PDPR: variants seen among roughly 807,000 people sequenced by gnomAD.
PDPR encodes pyruvate dehydrogenase phosphatase regulatory subunit, also known as pyruvate dehydrogenase phosphatase regulatory subunit, mitochondrial.
PDPR carries 50 observed loss-of-function variants against 102.2 expected under a neutral mutation model. That is an observed-to-expected ratio of 0.49 (90% confidence interval 0.39 to 0.62). PDPR has a LOEUF of 0.62. Among genes scored for constraint, PDPR ranks in the 20% least tolerant of loss-of-function variants. The pLI, the probability that PDPR is intolerant of heterozygous loss-of-function variation, is 0.00. For synonymous variants in PDPR, 259 were observed against 406.0 expected, an observed-to-expected ratio of 0.64 and a Z score of 4.35; for missense variants, 625 against 1,098.2, an observed-to-expected ratio of 0.57 and a Z score of 6.09.
chr16:70,117,962 G>A (rs536223061), intron 2 of PDPR, among the ~76,000 whole-genome samples: 29 of 151,996 alleles, frequency 1.9e-4, no homozygotes, highest in African/African-American at 6.0e-4. Flanking sequence ...GCGTGGTGGC[G>A]CGTGCTTGTA....
rs1156632267 is a variant in PDPR at position 70,114,879 on chromosome 16, C to T, written c.-84C>T. The stretch of plus-strand genomic sequence containing the variant: ...CCGCTTGTGCTTTTAGAACTAAAGA[C>T]TGCTGCAGAGTCCGGAGGAAGAAGT... On this transcript the variant is annotated 5_prime_UTR_variant, in exon 2 of 19. Coordinates refer to ENST00000288050, the MANE Select transcript of PDPR (RefSeq NM_017990.5). The T allele has an allele frequency of 6.6e-6, 1 of 152,318 alleles. No individual in the cohort carries two copies. Among genetic ancestry groups the T allele is most frequent in the Non-Finnish European group, 1.5e-5 (1 of 68,106 alleles). 9.4% of individuals were successfully genotyped at this position (152,318 alleles called of 1,614,324 possible). A position where few individuals can be genotyped will look rare whatever the true frequency, so the allele number is the denominator to read the frequency against.
rs147606553 is a variant in PDPR, at chr16:70,139,857, T to C, written c.1315+834T>C. Among the ~76,000 whole-genome samples the C allele has an allele frequency of 9.8e-4, 149 of 152,374 alleles. 2 individuals are homozygous for C. In the East Asian group the frequency reaches 0.025, roughly 25 times the overall value. On this transcript the variant is annotated intron_variant, in intron 11 of 18. Coordinates refer to ENST00000288050, the MANE Select transcript of PDPR (RefSeq NM_017990.5). ...CTGTGTTGGCTCTGACCACCATTCTTGGTTGCAAGTAAACTGTTAGTTTGG... is the reference window on the plus strand; with the variant it reads ...CTGTGTTGGCTCTGACCACCATTCTCGGTTGCAAGTAAACTGTTAGTTTGG...
intron 18 of PDPR, among the ~76,000 whole-genome samples, chr16:70,155,793 TAA>T (rs546477345): frequency 1.3e-5 from 2 of 149,536 alleles, no homozygotes; most frequent in African/African-American, 2.5e-5. Flanking sequence ...TGGGATTATA[TAA>T]AAAAGTCTTT....
rs1247356609 is a variant in PDPR, at chr16:70,157,082, T to G, written c.*203T>G. The G allele has an allele frequency of 5.2e-6, 4 of 767,866 alleles. No individual in the cohort carries two copies. The Admixed American group carries it at 8.1e-5, about 16-fold the overall frequency. The allele number at this position is 767,866 out of a possible 1,614,324, so 47.6% of individuals were successfully genotyped here. A position where few individuals can be genotyped will look rare whatever the true frequency, so the allele number is the denominator to read the frequency against. ...TTGCCCTTCCACCTCCTCCTCCTAA[T>G]ATTCACTCTGGGCTCTTCTTCCCTT... is the stretch of plus-strand genomic sequence containing the variant. On this transcript the variant is annotated 3_prime_UTR_variant, in exon 19 of 19. Coordinates refer to ENST00000288050, the MANE Select transcript of PDPR (RefSeq NM_017990.5).
chr16:70,157,071 C>G lies in PDPR; in HGVS notation c.*192C>G. ...TGCAGCCTTCCTTGCCCTTCCACCT[C>G]CTCCTCCTAATATTCACTCTGGGCT... On this transcript the variant is annotated 3_prime_UTR_variant, in exon 19 of 19. Transcript: ENST00000288050. The G allele has an allele frequency of 1.2e-6, 1 of 800,600 alleles. No individual in the cohort carries two copies. 49.6% of individuals were successfully genotyped at this position (800,600 alleles called of 1,614,324 possible).
intron 18 of PDPR, among the ~76,000 whole-genome samples, chr16:70,155,415 G>A (rs1201010924): frequency 6.6e-6 from 1 of 152,210 alleles, no homozygotes; most frequent in East Asian, 1.9e-4. Context: ...CCGAGTAGCT[G>A]TAAGCCATCC....
At chr16:70,134,796 A>AAT (rs1555524697) in intron 9 of PDPR, among the ~76,000 whole-genome samples, 1 of 149,712 alleles carries the variant, frequency 6.7e-6, no homozygotes, top group African/African-American at 2.4e-5. Context: ...AAAAAAAAAA[A>AAT]AAATAATAAT....
intron 2 of PDPR, among the ~76,000 whole-genome samples, chr16:70,115,192 C>G (rs183715130): frequency 5.9e-5 from 9 of 151,978 alleles, no homozygotes; most frequent in South Asian, 4.1e-4. Flanking sequence ...GGCGCGATCT[C>G]GGCTCACTGC....
chr16:70,148,324 C>G (rs1432464650), intron 16 of PDPR, 140 bp from the exon 17 acceptor site: 1 of 739,158 alleles, frequency 1.4e-6, no homozygotes, highest in Admixed American at 2.1e-5. Context: ...TAACCACTTT[C>G]GGGATGAAAT....
rs1290157768 is a variant in PDPR, at chr16:70,156,731, C to T, written c.2492C>T (p.Thr831Ile). Reference sequence around the variant, plus strand: ...GACACGGGGGAAGAGCAAGTGGTGACAGCAGATTTCATCAACCGGGGAGAG... The same window carrying T: ...GACACGGGGGAAGAGCAAGTGGTGATAGCAGATTTCATCAACCGGGGAGAG... ...SEDTGEEQVV[T>I]ADFINRGEYE... Residue 831 changes from threonine (T) to isoleucine (I), a missense_variant, in exon 19 of 19, where the codon ACA becomes ATA. Coordinates refer to ENST00000288050, the MANE Select transcript of PDPR (RefSeq NM_017990.5). 1 of 1,613,958 alleles carries T rather than the reference C, an allele frequency of 6.2e-7. No individual in the cohort carries two copies. Among genetic ancestry groups the T allele is most frequent in the Admixed American group, 1.7e-5 (1 of 60,030 alleles).
rs1432790579 is a variant in PDPR at position 70,127,356 on chromosome 16, C to G, written c.324C>G (p.Leu108=). The G allele has an allele frequency of 2.5e-6, 4 of 1,608,416 alleles. No individual in the cohort carries two copies. The change falls in exon 4 of 19, where the codon CTC becomes CTG. Residue 108 remains leucine (L), a synonymous_variant. Coordinates refer to ENST00000288050, the MANE Select transcript of PDPR (RefSeq NM_017990.5). ...AGATGGCAGACTACTCAAACAAACTCTACTATCAGTTAGAGCAAGAAACAG... is the reference window on the plus strand; with the variant it reads ...AGATGGCAGACTACTCAAACAAACTGTACTATCAGTTAGAGCAAGAAACAG... ...EQKMADYSNK[L]YYQLEQETGI...
At chr16:70,151,552 G>A (rs1966741468) in intron 17 of PDPR, among the ~76,000 whole-genome samples, 1 of 152,416 alleles carries the variant, frequency 6.6e-6, no homozygotes, top group South Asian at 2.1e-4. Context: ...GTTGGCCTGT[G>A]CAGGCAGGTT....
intron 9 of PDPR, among the ~76,000 whole-genome samples, chr16:70,135,080 G>T (rs1964976999): frequency 1.3e-5 from 2 of 152,184 alleles, no homozygotes; most frequent in Admixed American, 6.6e-5. Flanking sequence ...AACAAACCTG[G>T]CGAGAGTAGT....
At position 70,160,613 on chromosome 16, in the gene PDPR, C is replaced by T. The variant is rs999653172; in HGVS notation, c.*3734C>T. 6.6e-6 allele frequency: 1 copy of T among 152,584 alleles called. No homozygotes were observed. Among genetic ancestry groups the T allele is most frequent in the Non-Finnish European group, 1.5e-5 (1 of 68,276 alleles). The allele number at this position is 152,584 out of a possible 1,614,324, so 9.5% of individuals were successfully genotyped here. ...TGGTTCTCACTGGGAGGCCCACTGG[C>T]CTTGGATCATCTCCTCATGCACACC... On this transcript the variant is annotated 3_prime_UTR_variant, in exon 19 of 19. Transcript: ENST00000288050.
At chr16:70,149,945 C>T (rs897684675) in intron 17 of PDPR, among the ~76,000 whole-genome samples, 1 of 152,148 alleles carries the variant, frequency 6.6e-6, no homozygotes, top group African/African-American at 2.4e-5. Flanking sequence ...CGCCTGCCAC[C>T]ACGCCCGGCT....
intron 9 of PDPR, among the ~76,000 whole-genome samples, chr16:70,133,262 C>A (rs534725555): frequency 2.2e-4 from 33 of 151,588 alleles, no homozygotes; most frequent in African/African-American, 7.0e-4. Context: ...GGTGGGATTA[C>A]AAGCGCCTGC....
intron 10 of PDPR, among the ~76,000 whole-genome samples, chr16:70,136,684 G>C (rs556104651): frequency 1.2e-3 from 189 of 152,244 alleles, no homozygotes; most frequent in African/African-American, 4.3e-3. Context: ...TCATTTGAGT[G>C]TGTATTTGAG....
At chr16:70,131,002 C>G (rs1273736366) in intron 7 of PDPR, among the ~76,000 whole-genome samples, 1 of 152,248 alleles carries the variant, frequency 6.6e-6, no homozygotes, top group East Asian at 1.9e-4. Flanking sequence ...TTAGTGATTG[C>G]TATTTGGGGT....
chr16:70,139,353 T>C (rs1463866321), intron 11 of PDPR, among the ~76,000 whole-genome samples: 1 of 152,230 alleles, frequency 6.6e-6, no homozygotes, highest in Non-Finnish European at 1.5e-5. Flanking sequence ...AGTGCGTGCT[T>C]TCTGCAGTCT....
Sources: allele counts gnomAD v4.1 joint callset (sites outside exome capture counted in the v4.1 genomes callset), GRCh38; gene constraint gnomAD v4.1.1; transcripts MANE v1.5; gene names NCBI Gene and HGNC (gene_info 2026-07-23, HGNC 2026-07-21).